The following BCAR1 variants were observed in gnomAD, a reference collection of about 807,000 sequenced individuals.
The protein encoded by BCAR1 is breast cancer anti-estrogen resistance protein 1.
Under a neutral mutation model 67.6 loss-of-function variants are expected in BCAR1, and 30 were observed. The ratio of observed to expected loss-of-function variants is 0.44; its 90% CI spans 0.33 to 0.60. BCAR1 has a LOEUF of 0.60. BCAR1 is among the 20% of genes least tolerant of loss of function. BCAR1 has a pLI of 0.02. For synonymous variants in BCAR1, 626 were observed against 556.7 expected (o/e 1.12, Z -1.75); for missense variants, 1,313 against 1,222.3 (o/e 1.07, Z -1.11).
intron 1 of BCAR1, chr16:75,264,470 G>T: frequency 6.8e-7 from 1 of 1,479,098 alleles, no homozygotes; most frequent in Non-Finnish European, 9.0e-7. Context: ...CAGGAGAGCA[G>T]AACAGAAGAG....
At chr16:75,240,576 T>C (rs2077305661) in intron 2 of BCAR1, among the ~76,000 whole-genome samples, 1 of 152,216 alleles carries the variant, frequency 6.6e-6, no homozygotes, top group African/African-American at 2.4e-5. Flanking sequence ...AGACAAAATA[T>C]GCCAGAATTT....
At position 75,235,716 on chromosome 16, in the gene BCAR1, G is replaced by C. The variant is rs964922206; in HGVS notation, c.1183C>G (p.Leu395Val). 2 of 1,609,240 alleles carry C rather than the reference G, an allele frequency of 1.2e-6. No homozygotes were observed. The highest frequency in any genetic ancestry group is 1.7e-6 in the Non-Finnish European group (2 of 1,177,734). The change falls in exon 5 of 7, where the codon CTT becomes GTT. Residue 395 changes from leucine (L) to valine (V), a missense_variant. Physicochemically the swap from Leu to Val is conservative, Grantham distance 32. Transcript: ENST00000162330. ...TLYDVPRERVLPPEVADGGVV... is the reference protein window; with the variant it reads ...TLYDVPRERVVPPEVADGGVV... ...CCACCATCAGCCACCTCAGGAGGAA[G>C]CACCCGTTCACGGGGCACATCGTAC...
Position 75,229,494 on chromosome 16 carries a change from T to C in BCAR1, c.*17A>G. 6.5e-7 allele frequency: 1 copy of C among 1,537,938 alleles called. No individual in the cohort carries two copies. On this transcript the variant is annotated 3_prime_UTR_variant, in exon 7 of 7. Coordinates refer to ENST00000162330, the MANE Select transcript of BCAR1 (RefSeq NM_014567.5). The stretch of plus-strand genomic sequence containing the variant: ...CCGCCGCACCCCTCCCCTGCCTCCC[T>C]CCTGGGGTCACCACCCTCAGGCGGC...
chr16:75,248,047 C>T (rs768142631), intron 1 of BCAR1: 7 of 1,499,424 alleles, frequency 4.7e-6, no homozygotes, highest in South Asian at 3.4e-5. Flanking sequence ...CCATAAGACA[C>T]GATTACCTCC....
intron 2 of BCAR1, among the ~76,000 whole-genome samples, chr16:75,240,579 C>A (rs2077305758): frequency 6.6e-6 from 1 of 152,202 alleles, no homozygotes; most frequent in Non-Finnish European, 1.5e-5. Flanking sequence ...CAAAATATGC[C>A]AGAATTTCCC....
chr16:75,238,129 G>C, intron 2 of BCAR1: 1 of 1,287,172 alleles, frequency 7.8e-7, no homozygotes, highest in Non-Finnish European at 1.0e-6. Flanking sequence ...CCCGCACAGT[G>C]GGTGAAGAGG....
chr16:75,261,380 C>T (rs1035423289), intron 1 of BCAR1, among the ~76,000 whole-genome samples: 13 of 152,246 alleles, frequency 8.5e-5, no homozygotes, highest in Non-Finnish European at 1.6e-4. Context: ...CCAGGCCCCC[C>T]ACTCACCCTC....
chr16:75,264,790 G>A (rs530046811), intron 1 of BCAR1: 8 of 496,098 alleles, frequency 1.6e-5, no homozygotes, highest in African/African-American at 1.0e-4. Flanking sequence ...TCCGGGTGAG[G>A]AGCAGTTCCA....
rs892969112 is a variant in BCAR1, at chr16:75,237,498, G to A, written c.634-154C>T. 4.4e-6 allele frequency: 4 copies of A among 911,020 alleles called. No individual in the cohort carries two copies. In the African/African-American group the frequency reaches 5.3e-5, roughly 12 times the overall value. The allele number at this position is 911,020 out of a possible 1,614,324, so 56.4% of individuals were successfully genotyped here. A position where few individuals can be genotyped will look rare whatever the true frequency, so the allele number is the denominator to read the frequency against. Reference sequence around the variant, plus strand: ...AAGGATGCCAGTTCTCACCCCCTCTGCACCATCTGACCTTCCTCTAGCAGA... The same window carrying A: ...AAGGATGCCAGTTCTCACCCCCTCTACACCATCTGACCTTCCTCTAGCAGA... On this transcript the variant is annotated intron_variant, in intron 2 of 6. Coordinates refer to ENST00000162330, the MANE Select transcript of BCAR1 (RefSeq NM_014567.5).
intron 2 of BCAR1, chr16:75,238,270 G>A: frequency 8.6e-7 from 1 of 1,161,254 alleles, no homozygotes; most frequent in Non-Finnish European, 1.1e-6. Context: ...GGCCTCCCTG[G>A]TGGGATTCTC....
chr16:75,256,555 G>T (rs1327859524), upstream of BCAR1, among the ~76,000 whole-genome samples: 1 of 152,074 alleles, frequency 6.6e-6, no homozygotes, highest in Non-Finnish European at 1.5e-5. Context: ...GTCCTGGCCT[G>T]CATCCCACTA....
In BCAR1 at chr16:75,229,763, G is replaced by A. The variant is rs7190458; in HGVS notation, c.2361C>T (p.Leu787=). 0.052 allele frequency: 83,439 copies of A among 1,613,400 alleles called. 4,010 individuals carry two copies. The highest frequency in any genetic ancestry group is 0.26 in the African/African-American group (19,157 of 75,008). The part of the protein sequence containing the change: ...IFVAHSKFVI[L]SAHKLVFIGD... ...CGATGAACACCAGCTTGTGGGCGCT[G>A]AGGATGACGAACTTGCTGTGCGCCA... The change falls in exon 7 of 7, where the codon CTC becomes CTT. Residue 787 remains leucine, a synonymous_variant. Coordinates refer to ENST00000162330, the MANE Select transcript of BCAR1 (RefSeq NM_014567.5).
At position 75,232,887 on chromosome 16, in the gene BCAR1, G is replaced by A. The variant is rs186272828; in HGVS notation, c.2100+959C>T. Reference sequence around the variant, plus strand: ...CCTCCTTGGTGCCCAGAAGGTAGGCGAGGGAGATTTGACGGGTGATATTTT... The same window carrying A: ...CCTCCTTGGTGCCCAGAAGGTAGGCAAGGGAGATTTGACGGGTGATATTTT... On this transcript the variant is annotated intron_variant, in intron 6 of 6. Transcript: ENST00000162330. Among the ~76,000 whole-genome samples the A allele has an allele frequency of 2.0e-4, 31 of 152,336 alleles. No homozygotes were observed. The East Asian group carries it at 5.4e-3, about 27-fold the overall frequency.
chr16:75,249,123 AG>A (rs1390205725), intron 1 of BCAR1: 4 of 152,340 alleles, frequency 2.6e-5, no homozygotes, highest in African/African-American at 9.6e-5. Context: ...GGCAGGCCCC[AG>A]GCCTATACCC....
At chr16:75,255,975 A>G (rs114444645), upstream of BCAR1, among the ~76,000 whole-genome samples, 251 of 152,340 alleles carry the variant, frequency 1.6e-3, no homozygotes, top group African/African-American at 5.6e-3. Context: ...TGGGCGAGAG[A>G]GCGAAACTAC....
chr16:75,230,666 G>A (rs557913258), intron 6 of BCAR1, among the ~76,000 whole-genome samples: 101 of 152,250 alleles, frequency 6.6e-4, no homozygotes, highest in Non-Finnish European at 1.0e-3. Flanking sequence ...CACTAGAGCC[G>A]CTCTGGCTCC....
chr16:75,245,061 G>A (rs2077472497), intron 1 of BCAR1, among the ~76,000 whole-genome samples: 1 of 152,244 alleles, frequency 6.6e-6, no homozygotes, highest in South Asian at 2.1e-4. Context: ...GGACGGGACA[G>A]GCAGTGCGGC....
At chr16:75,241,094 GT>G (rs2077323892) in intron 2 of BCAR1, among the ~76,000 whole-genome samples, 1 of 152,236 alleles carries the variant, frequency 6.6e-6, no homozygotes, top group Non-Finnish European at 1.5e-5. Context: ...ACATTTGTAC[GT>G]TTGTGGGATA....
chr16:75,266,980 C>G (rs1270328654), intron 1 of BCAR1, among the ~76,000 whole-genome samples: 1 of 152,226 alleles, frequency 6.6e-6, no homozygotes. Flanking sequence ...TTCTGCCTGC[C>G]AGGGATGCTG....
Sources: allele counts gnomAD v4.1 joint callset (sites outside exome capture counted in the v4.1 genomes callset), GRCh38; gene constraint gnomAD v4.1.1; transcripts MANE v1.5; gene names NCBI Gene and HGNC (gene_info 2026-07-23, HGNC 2026-07-21).